The following DCTN6 variants were observed in gnomAD, a reference collection of about 807,000 sequenced individuals.
DCTN6 encodes the protein dynactin subunit 6, also known as dynactin 6.
DCTN6 carries 15 observed loss-of-function variants against 25.8 expected under a neutral mutation model. That is an observed-to-expected ratio of 0.58 (90% CI 0.39 to 0.89). DCTN6 has a LOEUF of 0.89. DCTN6 is among the 40% of genes least tolerant of loss of function. The pLI is 0.00. For missense variants in DCTN6, 198 were observed against 237.6 expected, an observed-to-expected ratio of 0.83 and a Z score of 1.09; for synonymous variants, 64 against 78.3, an observed-to-expected ratio of 0.82 and a Z score of 0.96.
intron 1 of DCTN6, among the ~76,000 whole-genome samples, chr8:30,158,700 A>AGT (rs1491145248): frequency 3.8e-5 from 3 of 79,488 alleles, no homozygotes. Context: ...CAGTAGATTG[A>AGT]CTTTTTTTTT....
intron 6 of DCTN6, among the ~76,000 whole-genome samples, chr8:30,182,443 C>T (rs2117602976): frequency 6.6e-6 from 1 of 152,158 alleles, no homozygotes; most frequent in East Asian, 1.9e-4. Flanking sequence ...GGGTGTTTTA[C>T]TTATGTGGTC....
chr8:30,178,768 T>C (rs75739606), intron 4 of DCTN6, among the ~76,000 whole-genome samples: 17,004 of 152,086 alleles, frequency 0.11, 1,104 homozygotes, highest in East Asian at 0.33. Context: ...AAGCAATCCT[T>C]CCATCTCAGC....
In DCTN6 at chr8:30,183,376, G is replaced by C; in HGVS notation, c.*203G>C. Reference sequence around the variant, plus strand: ...AAATGTATTATTTTCCTATATCCTTGGTTCTTTTCTGATAATTTACAGATT... The same window carrying C: ...AAATGTATTATTTTCCTATATCCTTCGTTCTTTTCTGATAATTTACAGATT... On this transcript the variant is annotated 3_prime_UTR_variant, in exon 7 of 7. Transcript: ENST00000221114. 1 of 381,182 alleles carries C rather than the reference G, an allele frequency of 2.6e-6. No homozygotes were observed. The highest frequency in any genetic ancestry group is 4.7e-6 in the Non-Finnish European group (1 of 214,896). The allele number at this position is 381,182 out of a possible 1,614,324, so 23.6% of individuals were successfully genotyped here. A position where few individuals can be genotyped will look rare whatever the true frequency, so the allele number is the denominator to read the frequency against.
At chr8:30,172,204 C>A (rs1803772400) in intron 2 of DCTN6, among the ~76,000 whole-genome samples, 1 of 152,004 alleles carries the variant, frequency 6.6e-6, no homozygotes, top group Non-Finnish European at 1.5e-5. Flanking sequence ...GTCTAAATGC[C>A]ATTATTAAGG....
chr8:30,161,982 C>T (rs1036382491), intron 1 of DCTN6, among the ~76,000 whole-genome samples: 7 of 151,964 alleles, frequency 4.6e-5, no homozygotes, highest in African/African-American at 1.5e-4. Context: ...CTCCTGACCT[C>T]GCAATCCGCC....
rs200863630 is a variant in DCTN6, at chr8:30,183,181, G to C, written c.*8G>C. 59 of 1,608,994 alleles carry C rather than the reference G, an allele frequency of 3.7e-5. No homozygotes were observed. In the South Asian group the frequency reaches 6.3e-4, roughly 17 times the overall value. On this transcript the variant is annotated 3_prime_UTR_variant, in exon 7 of 7. Coordinates refer to ENST00000221114, the MANE Select transcript of DCTN6 (RefSeq NM_006571.4). ...ACTCCAGTAAAGAACTAAGAACAGT[G>C]TATAACATGAAGATAACATTTTGTC...
At chr8:30,180,748 G>A in intron 6 of DCTN6, 118 bp downstream of exon 6, 1 of 1,253,000 alleles carries the variant, frequency 8.0e-7, no homozygotes, top group Non-Finnish European at 1.1e-6. Context: ...TAAAACAAAA[G>A]ATGCCAGTCT....
intron 2 of DCTN6, among the ~76,000 whole-genome samples, chr8:30,168,715 G>GT: frequency 1.3e-5 from 2 of 152,240 alleles, no homozygotes; most frequent in African/African-American, 2.4e-5. Flanking sequence ...GCAGGTATTT[G>GT]TTTTTTCAGA....
intron 1 of DCTN6, among the ~76,000 whole-genome samples, chr8:30,161,307 C>T (rs180793260): frequency 3.7e-4 from 57 of 152,252 alleles, no homozygotes; most frequent in Middle Eastern, 3.4e-3. Flanking sequence ...TTATAAATTA[C>T]CCATTCTCAG....
At position 30,177,229 on chromosome 8, in the gene DCTN6, A is replaced by C. The variant is rs750967724; in HGVS notation, c.283+15A>C. On this transcript the variant is annotated intron_variant, in intron 4 of 6. Coordinates refer to ENST00000221114, the MANE Select transcript of DCTN6 (RefSeq NM_006571.4). ...AGTTGGCTGTTGTATCCTTTACAAT[A>C]ATCTACCATAAATAATTCCTGGCTC... is the stretch of plus-strand genomic sequence containing the variant. 2.5e-6 allele frequency: 4 copies of C among 1,596,860 alleles called. No individual in the cohort carries two copies. Among genetic ancestry groups the C allele is most frequent in the Middle Eastern group, 1.7e-4 (1 of 6,004 alleles).
chr8:30,180,401 A>T, intron 5 of DCTN6, 87 bp from the exon 6 acceptor site: 1 of 1,519,828 alleles, frequency 6.6e-7, no homozygotes, highest in Non-Finnish European at 8.8e-7. Context: ...GCCAGTTTAC[A>T]TTTTTATACC....
At chr8:30,174,216 C>T (rs932605686) in intron 2 of DCTN6, among the ~76,000 whole-genome samples, 2 of 152,172 alleles carry the variant, frequency 1.3e-5, no homozygotes, top group Admixed American at 6.5e-5. Flanking sequence ...TATCCTGGGC[C>T]AGACAGCAGA....
chr8:30,168,659 G>C (rs1213493763), intron 2 of DCTN6, among the ~76,000 whole-genome samples: 1 of 152,088 alleles, frequency 6.6e-6, no homozygotes, highest in African/African-American at 2.4e-5. Flanking sequence ...CCTTTGCTAA[G>C]TTTCAGGCTA....
At chr8:30,161,969 G>A (rs939713432) in intron 1 of DCTN6, among the ~76,000 whole-genome samples, 2 of 151,344 alleles carry the variant, frequency 1.3e-5, no homozygotes, top group Non-Finnish European at 1.5e-5. Context: ...GGATGGTCTC[G>A]ATCTCCTGAC....
intron 2 of DCTN6, among the ~76,000 whole-genome samples, chr8:30,165,082 C>T (rs1803647696): frequency 6.6e-6 from 1 of 152,302 alleles, no homozygotes; most frequent in Admixed American, 6.5e-5. Context: ...ATTTTCATAA[C>T]ATGCAAAATA....
At position 30,181,907 on chromosome 8, in the gene DCTN6, G is replaced by T. The variant is rs1328590999; in HGVS notation, c.475-1168G>T. Reference sequence around the variant, plus strand: ...AAGAATAGTTTCAAGACATAACTTTGCTTCTGATTCTTAGCCATATTTTAT... The same window carrying T: ...AAGAATAGTTTCAAGACATAACTTTTCTTCTGATTCTTAGCCATATTTTAT... On this transcript the variant is annotated intron_variant, in intron 6 of 6. Transcript: ENST00000221114. 4.0e-5 allele frequency among the ~76,000 whole-genome samples: 6 copies of T among 151,244 alleles called. No individual in the cohort carries two copies. In the East Asian group the frequency reaches 1.2e-3, roughly 29 times the overall value.
chr8:30,168,607 A>G (rs1803718884), intron 2 of DCTN6, among the ~76,000 whole-genome samples: 1 of 152,182 alleles, frequency 6.6e-6, no homozygotes, highest in African/African-American at 2.4e-5. Flanking sequence ...ACTTTTACAA[A>G]TTATTCCATT....
At chr8:30,165,899 C>T (rs1803662402) in intron 2 of DCTN6, 1 of 151,786 alleles carries the variant, frequency 6.6e-6, no homozygotes, top group South Asian at 2.1e-4. Flanking sequence ...AAGAATTTGC[C>T]AGGTTGGTTG....
At position 30,167,861 on chromosome 8, in the gene DCTN6, G is replaced by T. The variant is rs373555115; in HGVS notation, c.88+3686G>T. 7.9e-5 allele frequency among the ~76,000 whole-genome samples: 12 copies of T among 152,132 alleles called. No homozygotes were observed. The East Asian group carries it at 1.7e-3, about 22-fold the overall frequency. ...TTACAGGCATGTGCCACCACACTTG[G>T]CTAATTTTTTTGTATTTTTAGTAGA... On this transcript the variant is annotated intron_variant, in intron 2 of 6. Coordinates refer to ENST00000221114, the MANE Select transcript of DCTN6 (RefSeq NM_006571.4).
Sources: allele counts gnomAD v4.1 joint callset (sites outside exome capture counted in the v4.1 genomes callset), GRCh38; gene constraint gnomAD v4.1.1; transcripts MANE v1.5; gene names NCBI Gene and HGNC (gene_info 2026-07-23, HGNC 2026-07-21).